Variants in KATNAL1 observed in about 807,000 individuals in gnomAD.
KATNAL1 encodes katanin p60 ATPase-containing subunit A-like 1.
Under a neutral mutation model 55.2 loss-of-function variants are expected in KATNAL1, and 32 were observed. The observed-to-expected ratio is 0.58, with a 90% CI of 0.44 to 0.78. The LOEUF (loss-of-function observed/expected upper bound fraction) is 0.78, where lower values mean the gene tolerates loss of function less well. KATNAL1 is among the 30% of genes least tolerant of loss of function. The pLI is 0.00. For synonymous variants in KATNAL1, 193 were observed against 193.6 expected, an observed-to-expected ratio of 1.00 and a Z score of 0.02; for missense variants, 466 against 600.9, an observed-to-expected ratio of 0.78 and a Z score of 2.35.
chr13:30,208,800 G>T, intron 10 of KATNAL1, 62 bp from the exon 11 acceptor site: 1 of 1,091,194 alleles, frequency 9.2e-7, no homozygotes, highest in Non-Finnish European at 1.3e-6. Flanking sequence ...ACTTTCAATT[G>T]TAACAAAGTT....
rs754808521 is a variant in KATNAL1 at position 30,208,667 on chromosome 13, T to C, written c.1346A>G (p.Lys449Arg). Residue 449 changes from lysine to arginine, a missense_variant, in exon 11 of 11, where the codon AAA becomes AGA. Lys to Arg is a conservative substitution (Grantham distance 26). This residue lies in a region of KATNAL1 where 213 missense variants were observed against 308.6 expected (regional missense o/e 0.69). Coordinates refer to ENST00000380615, the MANE Select transcript of KATNAL1 (RefSeq NM_032116.5). ...GGTAACAGGCATCTGAAGTTCCTCT[T>C]TAGAAAGTGCACGGATTTCTTCTGG... ...LSPEEIRALS[K>R]EELQMPVTKG... 1 of 1,614,084 alleles carries C rather than the reference T, an allele frequency of 6.2e-7. No homozygotes were observed. Among genetic ancestry groups the C allele is most frequent in the East Asian group, 2.2e-5 (1 of 44,862 alleles).
intron 6 of KATNAL1, among the ~76,000 whole-genome samples, chr13:30,235,848 CA>C (rs140120633): frequency 9.0e-4 from 124 of 138,238 alleles, no homozygotes; most frequent in Admixed American, 1.5e-3. Context: ...GTTTGATTCC[CA>C]AAAAAAAAAA....
rs545128490 is a variant in KATNAL1, at chr13:30,296,080, T to C, written c.-15+11251A>G. On this transcript the variant is annotated intron_variant, in intron 1 of 10. Transcript: ENST00000380615. ...AAATTTTAATTAGTCACATGGGCAC[T>C]GAGAACGCGGGTCCACGCACGTGAT... The C allele has an allele frequency of 1.7e-5, 5 of 286,276 alleles. No individual in the cohort carries two copies. In the East Asian group the frequency reaches 3.9e-4, roughly 22 times the overall value. The allele number at this position is 286,276 out of a possible 1,614,324, so 17.7% of individuals were successfully genotyped here. A position where few individuals can be genotyped will look rare whatever the true frequency, so the allele number is the denominator to read the frequency against.
At chr13:30,220,405 G>A (rs1399181798) in intron 9 of KATNAL1, among the ~76,000 whole-genome samples, 1 of 151,898 alleles carries the variant, frequency 6.6e-6, no homozygotes, top group African/African-American at 2.4e-5. Flanking sequence ...AGATTGCAGT[G>A]AGCCGAAACC....
chr13:30,280,001 A>C, intron 3 of KATNAL1, 62 bp downstream of exon 3: 1 of 1,412,528 alleles, frequency 7.1e-7, no homozygotes, highest in South Asian at 1.4e-5. Flanking sequence ...TGTTCAAAAC[A>C]TGCTTCACTG....
intron 1 of KATNAL1, among the ~76,000 whole-genome samples, chr13:30,287,554 C>T (rs527237458): frequency 7.4e-4 from 113 of 152,338 alleles, no homozygotes; most frequent in Non-Finnish European, 1.5e-3. Context: ...TGAGAATGGA[C>T]TAATACAACT....
chr13:30,299,506 A>C (rs1882731706), intron 1 of KATNAL1, among the ~76,000 whole-genome samples: 1 of 152,134 alleles, frequency 6.6e-6, no homozygotes, highest in Admixed American at 6.5e-5. Flanking sequence ...TTTCATTATA[A>C]ATTTCTAGAA....
chr13:30,242,854 A>G (rs1877413760), intron 4 of KATNAL1, among the ~76,000 whole-genome samples: 1 of 152,236 alleles, frequency 6.6e-6, no homozygotes, highest in African/African-American at 2.4e-5. Flanking sequence ...GTTATAAAAA[A>G]CAGACATAGG....
chr13:30,277,034 A>G (rs986985193), intron 3 of KATNAL1, among the ~76,000 whole-genome samples: 1 of 152,206 alleles, frequency 6.6e-6, no homozygotes, highest in Non-Finnish European at 1.5e-5. Context: ...GAAGTGACTA[A>G]TAATTATTAG....
Position 30,280,178 on chromosome 13 carries a change from C to T in KATNAL1, c.208G>A (p.Val70Ile), listed in dbSNP as rs1216516815. 1.2e-6 allele frequency: 2 copies of T among 1,611,228 alleles called. No homozygotes were observed. The highest frequency in any genetic ancestry group is 1.7e-5 in the Admixed American group (1 of 59,580). Residue 70 changes from valine to isoleucine, a missense_variant, in exon 3 of 11, where the codon GTC becomes ATC. Physicochemically the swap from Val to Ile is conservative, Grantham distance 29. Coordinates refer to ENST00000380615, the MANE Select transcript of KATNAL1 (RefSeq NM_032116.5). The stretch of plus-strand genomic sequence containing the variant: ...ATTTTAAAACTTTCTAAAGTGCTGA[C>T]AATACTTTTAACTTGTTCATATTCC... Reference protein sequence around the residue: ...LEEYEQVKSIVSTLESFKIDK... With the variant: ...LEEYEQVKSIISTLESFKIDK...
chr13:30,278,648 T>C (rs1187340214), intron 3 of KATNAL1, among the ~76,000 whole-genome samples: 2 of 152,222 alleles, frequency 1.3e-5, no homozygotes, highest in Admixed American at 6.5e-5. Flanking sequence ...TAGTCCTATA[T>C]TTGAAGTTAT....
At chr13:30,270,482 G>A (rs1300749129) in intron 3 of KATNAL1, among the ~76,000 whole-genome samples, 4 of 152,214 alleles carry the variant, frequency 2.6e-5, no homozygotes, top group South Asian at 2.1e-4. Context: ...AATAGAAAGC[G>A]GGGAAAGGTG....
chr13:30,304,521 G>C (rs1009642518), intron 1 of KATNAL1, among the ~76,000 whole-genome samples: 2 of 152,156 alleles, frequency 1.3e-5, no homozygotes, highest in Non-Finnish European at 2.9e-5. Context: ...GCCCGCCTCA[G>C]CCTTCCAAAG....
chr13:30,267,561 T>C (rs760226218), intron 3 of KATNAL1, among the ~76,000 whole-genome samples: 28 of 152,168 alleles, frequency 1.8e-4, no homozygotes, highest in Non-Finnish European at 4.0e-4. Flanking sequence ...AACTCAAATA[T>C]AAACAAGTCA....
intron 9 of KATNAL1, among the ~76,000 whole-genome samples, chr13:30,225,746 A>T (rs1262209056): frequency 2.6e-5 from 4 of 151,938 alleles, no homozygotes; most frequent in African/African-American, 9.7e-5. Flanking sequence ...CAGGAGAAAA[A>T]CTTTGCAGCT....
rs148148731 is a variant in KATNAL1 at position 30,246,624 on chromosome 13, A to C, written c.493-5538T>G. The stretch of plus-strand genomic sequence containing the variant: ...ACAGGCAACCTACAGAATGGGAGAC[A>C]ATTTTTGCAATCTATCCATCTGACA... On this transcript the variant is annotated intron_variant, in intron 4 of 10. Transcript: ENST00000380615. Among the ~76,000 whole-genome samples, 470 of 152,336 alleles carry C rather than the reference A, an allele frequency of 3.1e-3. 1 individual carries two copies. The highest frequency in any genetic ancestry group is 0.011 in the African/African-American group (448 of 41,572).
intron 1 of KATNAL1, among the ~76,000 whole-genome samples, chr13:30,292,326 T>A (rs1882187468): frequency 6.6e-6 from 1 of 151,856 alleles, no homozygotes; most frequent in African/African-American, 2.4e-5. Context: ...AATGTAAGAG[T>A]TAAAACTATA....
At position 30,208,801 on chromosome 13, in the gene KATNAL1, T is replaced by C. The variant is rs184816008; in HGVS notation, c.1275-63A>G. 501 of 1,087,052 alleles carry C rather than the reference T, an allele frequency of 4.6e-4. 2 individuals are homozygous for C. The African/African-American group carries it at 5.7e-3, about 12-fold the overall frequency. The allele number at this position is 1,087,052 out of a possible 1,614,324, so 67.3% of individuals were successfully genotyped here. A position where few individuals can be genotyped will look rare whatever the true frequency, so the allele number is the denominator to read the frequency against. On this transcript the variant is annotated intron_variant, in intron 10 of 10. Transcript: ENST00000380615. The stretch of plus-strand genomic sequence containing the variant: ...CACATGTTTTAAACACTTTCAATTG[T>C]AACAAAGTTATGAAAAAAAAATCAA...
chr13:30,269,221 G>A (rs905230001), intron 3 of KATNAL1, among the ~76,000 whole-genome samples: 2 of 152,242 alleles, frequency 1.3e-5, no homozygotes, highest in African/African-American at 2.4e-5. Flanking sequence ...GCCTGCGATT[G>A]CAGGCGCACG....
Sources: allele counts gnomAD v4.1 joint callset (sites outside exome capture counted in the v4.1 genomes callset), GRCh38; gene constraint gnomAD v4.1.1; regional missense constraint gnomAD v4.1.1; transcripts MANE v1.5; gene names NCBI Gene and HGNC (gene_info 2026-07-23, HGNC 2026-07-21).